Variants in PRSS23 observed in about 807,000 individuals in gnomAD.
The protein encoded by PRSS23 is serine protease 23.
PRSS23 carries 25 observed loss-of-function variants against 34.7 expected under a neutral mutation model. The ratio of observed to expected loss-of-function variants is 0.72; its 90% CI spans 0.53 to 1.01. PRSS23 has a LOEUF of 1.01. PRSS23 is among the 50% of genes least tolerant of loss of function. The pLI is 0.00. For missense variants in PRSS23, 445 were observed against 475.6 expected (o/e 0.94, Z 0.60); for synonymous variants, 176 against 186.6 (o/e 0.94, Z 0.46).
chr11:86,860,727 G>A (rs1948606970), intron 2 of PRSS23, among the ~76,000 whole-genome samples: 2 of 151,796 alleles, frequency 1.3e-5, no homozygotes, highest in South Asian at 4.2e-4. Context: ...CCCCAAATTT[G>A]GCCGGTGGTT....
intron 2 of PRSS23, among the ~76,000 whole-genome samples, chr11:86,829,888 G>A (rs747951450): frequency 8.3e-4 from 127 of 152,356 alleles, no homozygotes; most frequent in Non-Finnish European, 1.5e-3. Flanking sequence ...TGAGGTGTCA[G>A]TCTGCCCCTA....
chr11:86,874,296 A>G (rs1352603721), intron 2 of PRSS23, among the ~76,000 whole-genome samples: 1 of 152,246 alleles, frequency 6.6e-6, no homozygotes, highest in Non-Finnish European at 1.5e-5. Context: ...CAACTTGTGT[A>G]GGGTTGCCAG....
intron 1 of PRSS23, among the ~76,000 whole-genome samples, chr11:86,804,973 G>A (rs1306204779): frequency 6.6e-6 from 1 of 152,150 alleles, no homozygotes; most frequent in Non-Finnish European, 1.5e-5. Flanking sequence ...CGCTTGGCAG[G>A]TTGGACCTCC....
intron 2 of PRSS23, among the ~76,000 whole-genome samples, chr11:86,860,891 A>G (rs919028468): frequency 6.6e-6 from 1 of 151,706 alleles, no homozygotes; most frequent in Non-Finnish European, 1.5e-5. Context: ...GTAGAAGTGT[A>G]CAGCCCCCCT....
chr11:86,828,604 A>T (rs1440396658), intron 2 of PRSS23, among the ~76,000 whole-genome samples: 1 of 152,136 alleles, frequency 6.6e-6, no homozygotes, highest in South Asian at 2.1e-4. Flanking sequence ...GGTCTTTACA[A>T]TTTGGCATGA....
chr11:86,793,555 A>T (rs953741164), intron 1 of PRSS23, among the ~76,000 whole-genome samples: 1 of 152,198 alleles, frequency 6.6e-6, no homozygotes, highest in African/African-American at 2.4e-5. Flanking sequence ...TCTGACATGA[A>T]CTGTAAGGAA....
exon 3 of PRSS23, chr11:86,952,382 T>C (rs755154938): frequency 1.2e-6 from 2 of 1,614,206 alleles, no homozygotes; most frequent in Non-Finnish European, 1.7e-6. Flanking sequence ...ACAGCGTCTC[T>C]TGACTGAAAG....
chr11:86,843,745 T>A (rs567223115), intron 2 of PRSS23, among the ~76,000 whole-genome samples: 10 of 152,116 alleles, frequency 6.6e-5, no homozygotes, highest in Non-Finnish European at 1.3e-4. Flanking sequence ...AGAATGGTAA[T>A]CATTAAAAAG....
intron 2 of PRSS23, among the ~76,000 whole-genome samples, chr11:86,865,357 C>T (rs1948642790): frequency 6.6e-6 from 1 of 152,204 alleles, no homozygotes; most frequent in Non-Finnish European, 1.5e-5. Flanking sequence ...TATTATATCA[C>T]TTGGAGGTAA....
At chr11:86,820,596 C>A (rs1274013393) in intron 1 of PRSS23, among the ~76,000 whole-genome samples, 2 of 152,054 alleles carry the variant, frequency 1.3e-5, no homozygotes, top group Non-Finnish European at 2.9e-5. Flanking sequence ...GCTTTATTTG[C>A]GTTTGTATTT....
At chr11:86,824,883 T>G (rs2067675486) in intron 2 of PRSS23, among the ~76,000 whole-genome samples, 1 of 152,218 alleles carries the variant, frequency 6.6e-6, no homozygotes. Context: ...CTGTCATTGT[T>G]GGACATTTGG....
intron 1 of PRSS23, among the ~76,000 whole-genome samples, chr11:86,818,055 G>C (rs1411391215): frequency 2.0e-5 from 3 of 152,200 alleles, no homozygotes; most frequent in African/African-American, 7.2e-5. Context: ...CAGAACAAGA[G>C]TTGTTTGATC....
chr11:86,888,741 T>C (rs958509201), intron 2 of PRSS23, among the ~76,000 whole-genome samples: 1 of 152,208 alleles, frequency 6.6e-6, no homozygotes, highest in Non-Finnish European at 1.5e-5. Context: ...ACCACAGGAA[T>C]TCTATCTTCA....
intron 2 of PRSS23, among the ~76,000 whole-genome samples, chr11:86,843,485 A>C (rs893908533): frequency 1.3e-5 from 2 of 152,212 alleles, no homozygotes; most frequent in African/African-American, 4.8e-5. Flanking sequence ...TGAACAGGCA[A>C]CCTACAGAAT....
At chr11:86,894,734 C>T (rs1948863585) in intron 2 of PRSS23, among the ~76,000 whole-genome samples, 1 of 152,218 alleles carries the variant, frequency 6.6e-6, no homozygotes, top group South Asian at 2.1e-4. Flanking sequence ...GCCATCCCCT[C>T]TATGCAGCCT....
intron 2 of PRSS23, among the ~76,000 whole-genome samples, chr11:86,882,865 T>C (rs890822769): frequency 5.3e-5 from 8 of 152,220 alleles, no homozygotes; most frequent in Admixed American, 2.6e-4. Context: ...TCAGCATCTG[T>C]TATTTTTTCA....
At chr11:86,860,652 C>T (rs551859755) in intron 2 of PRSS23, among the ~76,000 whole-genome samples, 3 of 151,858 alleles carry the variant, frequency 2.0e-5, no homozygotes, top group Admixed American at 6.6e-5. Flanking sequence ...CTCCCAATAT[C>T]GCAGTGGGTG....
chr11:86,808,912 G>GTGTGTGT lies in PRSS23; in HGVS notation c.*117_*118insTGTGTGT. ...TGTGTGTGTGTGTGTGTGTGTGTAA[G>GTGTGTGT]GTGTCTTATAATCTTTTACCTATTT... is the stretch of plus-strand genomic sequence containing the variant. On this transcript the variant is annotated 3_prime_UTR_variant, in exon 2 of 2. Coordinates refer to ENST00000280258, the MANE Select transcript of PRSS23 (RefSeq NM_007173.6). 1 of 843,646 alleles carries GTGTGTGT rather than the reference G, an allele frequency of 1.2e-6. No individual in the cohort carries two copies. The highest frequency in any genetic ancestry group is 1.9e-6 in the Non-Finnish European group (1 of 536,732). 52.3% of individuals were successfully genotyped at this position (843,646 alleles called of 1,614,324 possible). A position where few individuals can be genotyped will look rare whatever the true frequency, so the allele number is the denominator to read the frequency against.
At chr11:86,807,066 A>T (rs551212064) in intron 1 of PRSS23, among the ~76,000 whole-genome samples, 6 of 152,350 alleles carry the variant, frequency 3.9e-5, no homozygotes, top group African/African-American at 1.4e-4. Context: ...ACCATCATTT[A>T]AAAACCACAG....
Sources: gnomAD v4.1 joint callset for allele counts (sites outside exome capture counted in the v4.1 genomes callset) on GRCh38, gnomAD v4.1.1 for gene constraint, MANE v1.5 for transcripts, NCBI Gene and HGNC (gene_info 2026-07-23, HGNC 2026-07-21) for gene names.